The following SH3KBP1 variants were observed in gnomAD, a reference collection of about 807,000 sequenced individuals.
SH3KBP1 encodes the protein SH3 domain-containing kinase-binding protein 1.
SH3KBP1 carries 8 observed loss-of-function variants against 50.1 expected under a neutral mutation model. The observed-to-expected ratio is 0.16, with a 90% CI of 0.09 to 0.29. SH3KBP1 has a LOEUF of 0.29. Among genes scored for constraint, SH3KBP1 ranks in the 10% least tolerant of loss-of-function variants. The probability of loss-of-function intolerance (pLI) is 1.00; values close to 1 mark genes in which losing one functional copy is unlikely to be tolerated. For synonymous variants in SH3KBP1, 227 were observed against 218.6 expected (o/e 1.04, Z -0.34); for missense variants, 377 against 535.2 (o/e 0.70, Z 2.92).
chrX:19,803,630 A>G (rs1356842449), intron 2 of SH3KBP1, among the ~76,000 whole-genome samples: 7 of 112,187 alleles, frequency 6.2e-5, no homozygotes, highest in Non-Finnish European at 9.4e-5. Context: ...TAGCTTGAGG[A>G]GGGCGAAAGC....
chrX:19,863,175 C>T (rs1459705529), intron 1 of SH3KBP1, among the ~76,000 whole-genome samples: 2 of 111,598 alleles, frequency 1.8e-5, no homozygotes, highest in African/African-American at 6.5e-5. Context: ...CTTTGCTGAG[C>T]TTACAAAACA....
intron 10 of SH3KBP1, among the ~76,000 whole-genome samples, chrX:19,593,322 A>T (rs2066803450): frequency 9.0e-6 from 1 of 111,545 alleles, no homozygotes; most frequent in Admixed American, 9.5e-5. Flanking sequence ...AAAAGAAGTT[A>T]AAAAAAATAT....
intron 6 of SH3KBP1, among the ~76,000 whole-genome samples, chrX:19,661,814 A>G (rs1316062471): frequency 9.1e-6 from 1 of 110,417 alleles, no homozygotes; most frequent in Non-Finnish European, 1.9e-5. Flanking sequence ...TTTAGTAGAG[A>G]CAGGGTTTCA....
intron 12 of SH3KBP1, among the ~76,000 whole-genome samples, chrX:19,580,859 C>G (rs1156365780): frequency 9.0e-6 from 1 of 111,723 alleles, no homozygotes; most frequent in Non-Finnish European, 1.9e-5. Flanking sequence ...CTCCTGTTCT[C>G]CGTAATCTCC....
chrX:19,691,554 C>G (rs1284523908), intron 5 of SH3KBP1, among the ~76,000 whole-genome samples: 1 of 107,737 alleles, frequency 9.3e-6, no homozygotes, highest in Non-Finnish European at 1.9e-5. Context: ...CGGCAAAAGC[C>G]ACGCTGTGAG....
intron 5 of SH3KBP1, among the ~76,000 whole-genome samples, chrX:19,694,115 C>T (rs2013266140): frequency 8.9e-6 from 1 of 112,161 alleles, no homozygotes; most frequent in Admixed American, 9.4e-5. Flanking sequence ...GTGGTTTATG[C>T]ACATTATTGC....
intron 6 of SH3KBP1, among the ~76,000 whole-genome samples, chrX:19,651,252 T>C (rs979534906): frequency 1.8e-5 from 2 of 111,192 alleles, no homozygotes; most frequent in African/African-American, 6.6e-5. Flanking sequence ...TCTGCTCCCT[T>C]AGAAATTTAC....
At chrX:19,726,917 C>G (rs2064236850) in intron 3 of SH3KBP1, among the ~76,000 whole-genome samples, 1 of 111,895 alleles carries the variant, frequency 8.9e-6, no homozygotes, top group Non-Finnish European at 1.9e-5. Context: ...CTATGTTTAT[C>G]TTTAACTAAC....
intron 6 of SH3KBP1, chrX:19,670,839 C>CAGAAAAAAAAAA (rs2062771111): frequency 1.9e-6 from 1 of 533,588 alleles, no homozygotes; most frequent in Non-Finnish European, 2.4e-6. Flanking sequence ...ACTCTAAAAG[C>CAGAAAAAAAAAA]AAAAAAAAAA....
At chrX:19,597,282 A>T (rs1205241982) in intron 9 of SH3KBP1, among the ~76,000 whole-genome samples, 3 of 111,938 alleles carry the variant, frequency 2.7e-5, no homozygotes, top group Non-Finnish European at 3.8e-5. Flanking sequence ...TTTTGAAAGG[A>T]ATCTTTTTTT....
intron 2 of SH3KBP1, among the ~76,000 whole-genome samples, chrX:19,774,262 T>C (rs2065891780): frequency 9.0e-6 from 1 of 111,724 alleles, no homozygotes; most frequent in South Asian, 3.7e-4. Flanking sequence ...TACTCTGTAA[T>C]GTGTGCTTTG....
chrX:19,616,119 G>A (rs2067602590), intron 8 of SH3KBP1, among the ~76,000 whole-genome samples: 3 of 110,873 alleles, frequency 2.7e-5, no homozygotes, highest in Non-Finnish European at 5.7e-5. Context: ...ACTCCATCAT[G>A]CATGGCTAAT....
chrX:19,821,660 C>G (rs963686753), intron 2 of SH3KBP1, among the ~76,000 whole-genome samples: 1 of 110,384 alleles, frequency 9.1e-6, no homozygotes, highest in Admixed American at 9.6e-5. Context: ...TCCCGAGTAG[C>G]TGGGACTACA....
At chrX:19,636,157 AG>A (rs1340427711) in intron 7 of SH3KBP1, among the ~76,000 whole-genome samples, 1 of 110,832 alleles carries the variant, frequency 9.0e-6, no homozygotes, top group Non-Finnish European at 1.9e-5. Flanking sequence ...AGAGAGAGAG[AG>A]AGAAAAAATA....
chrX:19,539,938 C>G (rs993885244), intron 16 of SH3KBP1, among the ~76,000 whole-genome samples: 3 of 111,623 alleles, frequency 2.7e-5, no homozygotes, highest in African/African-American at 6.5e-5. Context: ...GGGGGAGAAA[C>G]ATGGTGTGGC....
chrX:19,684,553 G>A (rs960837637), intron 5 of SH3KBP1, among the ~76,000 whole-genome samples: 3 of 112,734 alleles, frequency 2.7e-5, no homozygotes, highest in African/African-American at 9.7e-5. Flanking sequence ...AACTGCCAAA[G>A]AATTCAATCT....
chrX:19,821,003 T>C (rs776663808), intron 2 of SH3KBP1, among the ~76,000 whole-genome samples: 17 of 111,866 alleles, frequency 1.5e-4, no homozygotes, highest in Non-Finnish European at 3.0e-4. Flanking sequence ...CCCCACCTCT[T>C]AAATATAATT....
At chrX:19,712,805 T>C (rs1461753916) in intron 3 of SH3KBP1, among the ~76,000 whole-genome samples, 2 of 111,851 alleles carry the variant, frequency 1.8e-5, no homozygotes, top group South Asian at 3.7e-4. Flanking sequence ...GAGAAGGACC[T>C]ATAGAATATC....
At chrX:19,610,240 G>C (rs2067371538) in intron 8 of SH3KBP1, among the ~76,000 whole-genome samples, 1 of 111,962 alleles carries the variant, frequency 8.9e-6, no homozygotes, top group African/African-American at 3.2e-5. Context: ...TAGATAGTCT[G>C]GTCCTGCCCA....
Sources: gnomAD v4.1 joint callset for allele counts (sites outside exome capture counted in the v4.1 genomes callset) on GRCh38, gnomAD v4.1.1 for gene constraint, MANE v1.5 for transcripts, NCBI Gene and HGNC (gene_info 2026-07-23, HGNC 2026-07-21) for gene names.